Variants in ZNF100 observed in about 807,000 individuals in gnomAD.
The protein encoded by ZNF100 is zinc finger protein 100 (Y1).
In ZNF100, 12 loss-of-function variants were observed where a neutral mutation model predicts 15.8. The ratio of observed to expected loss-of-function variants is 0.76; its 90% CI spans 0.49 to 1.23. ZNF100 has a LOEUF of 1.23. ZNF100 is among the 50% of genes most tolerant of loss of function. ZNF100 has a pLI of 0.00. For missense variants in ZNF100, 670 were observed against 635.6 expected, an observed-to-expected ratio of 1.05 and a Z score of -0.58; for synonymous variants, 226 against 214.8, an observed-to-expected ratio of 1.05 and a Z score of -0.45.
chr19:21,757,240 C>G (rs1226311154), intron 2 of ZNF100, among the ~76,000 whole-genome samples: 2 of 152,210 alleles, frequency 1.3e-5, no homozygotes, highest in African/African-American at 4.8e-5. Flanking sequence ...GAGTTTCAGG[C>G]CAGCCTGGCC....
chr19:21,753,516 A>C (rs1233243410), intron 2 of ZNF100: 1 of 152,208 alleles, frequency 6.6e-6, no homozygotes, highest in Non-Finnish European at 1.5e-5. Context: ...CTGCGGGGTC[A>C]AGGCTGCAGT....
intron 4 of ZNF100, among the ~76,000 whole-genome samples, chr19:21,729,520 T>C (rs2035875507): frequency 6.6e-6 from 1 of 151,992 alleles, no homozygotes; most frequent in African/African-American, 2.4e-5. Flanking sequence ...TATACATATG[T>C]AACAAACCTG....
At chr19:21,747,452 C>T (rs2036230790) in intron 2 of ZNF100, among the ~76,000 whole-genome samples, 1 of 152,146 alleles carries the variant, frequency 6.6e-6, no homozygotes. Flanking sequence ...GCTCAAAAAT[C>T]ACTTGGTAAT....
chr19:21,756,604 G>A (rs964730319), intron 2 of ZNF100, among the ~76,000 whole-genome samples: 1 of 152,002 alleles, frequency 6.6e-6, no homozygotes, highest in Non-Finnish European at 1.5e-5. Flanking sequence ...ATAAACAAAT[G>A]GAAAACCATT....
intron 2 of ZNF100, among the ~76,000 whole-genome samples, chr19:21,747,721 G>A (rs1429642263): frequency 1.3e-5 from 2 of 149,492 alleles, no homozygotes; most frequent in African/African-American, 2.5e-5. Context: ...GTTTACAGAG[G>A]AAACAAAAGG....
chr19:21,731,067 C>CA (rs59813014), intron 4 of ZNF100, among the ~76,000 whole-genome samples: 12,245 of 151,106 alleles, frequency 0.081, 565 homozygotes, highest in Middle Eastern at 0.15. Flanking sequence ...CAAGAGTCTT[C>CA]AAAAAAAAGA....
Position 21,727,334 on chromosome 19 carries a change from A to T in ZNF100, c.978T>A (p.Phe326Leu). The change falls in exon 5 of 5, where the codon TTT becomes TTA. Residue 326 changes from phenylalanine (F) to leucine (L), a missense_variant. Coordinates refer to ENST00000358296, the MANE Select transcript of ZNF100 (RefSeq NM_173531.4). ...GTGTAGTAAGGTGTGAGGACCGGTT[A>T]AAAGCTTTGCCACATTCTGTACATT... ...PYKCTECGKA[F>L]NRSSHLTTHR... The T allele has an allele frequency of 6.2e-7, 1 of 1,612,394 alleles. No homozygotes were observed.
chr19:21,726,741 T>C lies in ZNF100; in HGVS notation c.1571A>G (p.Gln524Arg). The part of the protein sequence containing the change: ...KWEECGKDFN[Q>R]SLSLIKQNNS... ...ATTTTGTTTAATAAGGCTTAGGGAC[T>C]GGTTAAAGTCTTTACCACATTCTTC... is the stretch of plus-strand genomic sequence containing the variant. The change falls in exon 5 of 5, where the codon CAG (glutamine) becomes CGG (arginine). Residue 524 changes from glutamine to arginine, a missense_variant. Physicochemically the swap from Gln to Arg is conservative, Grantham distance 43 (BLOSUM62 1). Transcript: ENST00000358296. 1.2e-6 allele frequency: 2 copies of C among 1,611,942 alleles called. No homozygotes were observed. The highest frequency in any genetic ancestry group is 1.7e-6 in the Non-Finnish European group (2 of 1,179,104).
chr19:21,723,886 G>A lies in ZNF100; in HGVS notation c.*2797C>T, dbSNP rs2035725484. 6.6e-6 allele frequency: 1 copy of A among 151,848 alleles called. No homozygotes were observed. The highest frequency in any genetic ancestry group is 1.5e-5 in the Non-Finnish European group (1 of 67,982). 9.4% of individuals were successfully genotyped at this position (151,848 alleles called of 1,614,324 possible). A position where few individuals can be genotyped will look rare whatever the true frequency, so the allele number is the denominator to read the frequency against. On this transcript the variant is annotated 3_prime_UTR_variant, in exon 5 of 5. Transcript: ENST00000358296. ...AAAGTGAAAAGAAAAATAACTAAAG[G>A]GCTATAGAGTTCTCCAACTAAAAAC...
intron 2 of ZNF100, among the ~76,000 whole-genome samples, chr19:21,745,547 G>A (rs1445311160): frequency 6.7e-6 from 1 of 149,238 alleles, no homozygotes; most frequent in Non-Finnish European, 1.5e-5. Context: ...ACGGAGTCTC[G>A]CTCTGTCGCC....
intron 4 of ZNF100, 67 bp from the exon 5 acceptor site, chr19:21,728,056 T>TA: frequency 1.5e-6 from 2 of 1,350,690 alleles, no homozygotes; most frequent in Non-Finnish European, 1.9e-6. Context: ...ATCTAACCTC[T>TA]AATATACAAA....
chr19:21,767,454 C>A lies in ZNF100; in HGVS notation c.-25G>T, dbSNP rs373463537. 6.2e-7 allele frequency: 1 copy of A among 1,614,084 alleles called. No homozygotes were observed. Among genetic ancestry groups the A allele is most frequent in the South Asian group, 1.1e-5 (1 of 91,078 alleles). On this transcript the variant is annotated 5_prime_UTR_variant, in exon 1 of 5. Coordinates refer to ENST00000358296, the MANE Select transcript of ZNF100 (RefSeq NM_173531.4). ...TTTCTAGGCTTCTAGGGGGTCCTGG[C>A]GTCTTAGCTGTGGATCTCCCAATAT...
At chr19:21,754,802 C>A in intron 2 of ZNF100, among the ~76,000 whole-genome samples, 1 of 152,092 alleles carries the variant, frequency 6.6e-6, no homozygotes, top group East Asian at 1.9e-4. Flanking sequence ...CAAATGGGAT[C>A]TAATTAAAGA....
In ZNF100 at chr19:21,726,816, G is replaced by A. The variant is rs1182041910; in HGVS notation, c.1496C>T (p.Thr499Ile). 1.9e-6 allele frequency: 3 copies of A among 1,613,506 alleles called. No homozygotes were observed. The African/African-American group carries it at 4.0e-5, about 22-fold the overall frequency. The change falls in exon 5 of 5, where the codon ACC (threonine) becomes ATC (isoleucine). Residue 499 changes from threonine (T) to isoleucine (I), a missense_variant. Transcript: ENST00000358296. ...ATGAGTTATCTTATGTTTAGTAAGG[G>A]TTGAGGATCGGTTAAAAGCTTTGCC... The part of the protein sequence containing the change: ...ECGKAFNRSS[T>I]LTKHKITHTG...
In ZNF100 at chr19:21,722,813, CATA is replaced by C. The variant is rs759247276; in HGVS notation, c.*3867_*3869del. 3.5e-5 allele frequency: 5 copies of C among 142,630 alleles called. No homozygotes were observed. Among genetic ancestry groups the C allele is most frequent in the South Asian group, 2.2e-4 (1 of 4,522 alleles). The allele number at this position is 142,630 out of a possible 1,614,324, so 8.8% of individuals were successfully genotyped here. On this transcript the variant is annotated 3_prime_UTR_variant, in exon 5 of 5. Coordinates refer to ENST00000358296, the MANE Select transcript of ZNF100 (RefSeq NM_173531.4). Reference sequence around the variant, plus strand: ...TATATATTTTAATAAAAGTATGTTACATAATAAAAAATAAATTTAAAATTGTTC... The same window carrying C: ...TATATATTTTAATAAAAGTATGTTACATAAAAAATAAATTTAAAATTGTTC...
At position 21,727,937 on chromosome 19, in the gene ZNF100, A is replaced by C; in HGVS notation, c.375T>G (p.Asp125Glu). ...QDLWAEQDIK[D>E]SFQEAILKKY... ...TTTTCAGAATCGCTTCTTGAAAAGA[A>C]TCTTTAATGTCCTGCTCTGCCCAAA... Residue 125 changes from aspartate to glutamate, a missense_variant, in exon 5 of 5, where the codon GAT becomes GAG. Asp to Glu is a conservative substitution (Grantham distance 45). Transcript: ENST00000358296. The C allele has an allele frequency of 6.3e-7, 1 of 1,585,224 alleles. No individual in the cohort carries two copies. The highest frequency in any genetic ancestry group is 8.6e-7 in the Non-Finnish European group (1 of 1,168,380).
rs2036119882 is a variant in ZNF100 at position 21,742,114 on chromosome 19, G to A, written c.322+1903C>T. Among the ~76,000 whole-genome samples the A allele has an allele frequency of 2.0e-5, 3 of 152,160 alleles. No homozygotes were observed. The South Asian group carries it at 6.2e-4, about 32-fold the overall frequency. On this transcript the variant is annotated intron_variant, in intron 4 of 4. Coordinates refer to ENST00000358296, the MANE Select transcript of ZNF100 (RefSeq NM_173531.4). ...AATTCAAGACTAACCTGGAGAACAT[G>A]GTGAAACTCTGTCTCTTCTAACAAT... is the stretch of plus-strand genomic sequence containing the variant.
intron 2 of ZNF100, among the ~76,000 whole-genome samples, chr19:21,755,708 T>C (rs1163448222): frequency 6.6e-6 from 1 of 151,912 alleles, no homozygotes; most frequent in Admixed American, 6.6e-5. Flanking sequence ...ACAGACTGGA[T>C]AAAGAAAATG....
At chr19:21,751,157 G>C (rs771006973) in intron 2 of ZNF100, 22 of 1,336,278 alleles carry the variant, frequency 1.6e-5, no homozygotes, top group Non-Finnish European at 2.3e-5. Flanking sequence ...AAGAGGAAGA[G>C]CAACCACTTA....
Sources: allele counts gnomAD v4.1 joint callset (sites outside exome capture counted in the v4.1 genomes callset), GRCh38; gene constraint gnomAD v4.1.1; transcripts MANE v1.5; gene names NCBI Gene and HGNC (gene_info 2026-07-23, HGNC 2026-07-21).